FAM186A: variants seen among roughly 807,000 people sequenced by gnomAD.
FAM186A encodes the protein protein FAM186A.
In FAM186A, 163 loss-of-function variants were observed where a neutral mutation model predicts 216.8. The ratio of observed to expected loss-of-function variants is 0.75; its 90% CI spans 0.66 to 0.86. The LOEUF is 0.86. Ranked by LOEUF, FAM186A falls within the 40% of genes least tolerant of loss-of-function variation. FAM186A has a pLI of 0.00. For synonymous variants in FAM186A, 805 were observed against 1,025.3 expected (o/e 0.79, Z 4.10); for missense variants, 2,184 against 2,746.2 (o/e 0.80, Z 4.58).
intron 1 of FAM186A, chr12:50,366,158 C>T (rs1943085717): frequency 1.7e-6 from 1 of 589,982 alleles, no homozygotes; most frequent in African/African-American, 1.9e-5. Flanking sequence ...TGGATTTTGC[C>T]AAACAAATCA....
At chr12:50,391,378 C>T (rs544813627) in intron 1 of FAM186A, among the ~76,000 whole-genome samples, 28 of 151,648 alleles carry the variant, frequency 1.8e-4, no homozygotes, top group Admixed American at 1.3e-3. Context: ...TGCAGTGGCG[C>T]GATCTTGGCT....
At chr12:50,372,171 G>C (rs1186764168) in intron 1 of FAM186A, among the ~76,000 whole-genome samples, 1 of 152,036 alleles carries the variant, frequency 6.6e-6, no homozygotes, top group African/African-American at 2.4e-5. Flanking sequence ...GGAAATACTG[G>C]AATCAGAAAA....
rs183549613 is a variant in FAM186A at position 50,350,897 on chromosome 12, C to G, written c.5935G>C (p.Ala1979Pro). ...TTCTTAGTGGTGAAAGGAACTTGAG[C>G]TACCTTGAAATCTGGAGCACTAGGA... ...IHPSAPDFKV[A>P]QVPFTTKKFQ... is the part of the protein sequence containing the mutation. The change falls in exon 4 of 8, where the codon GCT (alanine) becomes CCT (proline). Residue 1979 changes from alanine to proline, a missense_variant. Ala to Pro is a conservative substitution (Grantham distance 27). This residue lies in a region of FAM186A where 721 missense variants were observed against 816.4 expected (regional missense o/e 0.88). Transcript: ENST00000327337. The G allele has an allele frequency of 1.2e-3, 1,789 of 1,551,606 alleles. 9 individuals carry two copies. The highest frequency in any genetic ancestry group is 4.8e-3 in the Middle Eastern group (29 of 5,992).
At chr12:50,361,001 G>C in intron 2 of FAM186A, 75 bp from the exon 3 acceptor site, 1 of 1,136,950 alleles carries the variant, frequency 8.8e-7, no homozygotes, top group Non-Finnish European at 1.2e-6. Context: ...TTATAATATT[G>C]GGTAACTACT....
At chr12:50,344,830 C>A (rs1045983653) in intron 4 of FAM186A, among the ~76,000 whole-genome samples, 1 of 151,990 alleles carries the variant, frequency 6.6e-6, no homozygotes, top group South Asian at 2.1e-4. Context: ...AAAAATTAGC[C>A]AGGCATGATG....
Position 50,350,463 on chromosome 12 carries a change from T to C in FAM186A, c.6369A>G (p.Ile2123Met), listed in dbSNP as rs905750643. The change falls in exon 4 of 8, where the codon ATA becomes ATG. Residue 2123 changes from isoleucine to methionine, a missense_variant. Ile to Met is a conservative substitution (Grantham distance 10, BLOSUM62 1). Around this residue, in one of 7 missense-constraint regions of FAM186A, gnomAD observed 721 missense variants for 816.4 expected, o/e 0.88. Coordinates refer to ENST00000327337, the MANE Select transcript of FAM186A (RefSeq NM_001145475.3). ...KKNLILLNQA[I>M]KTCGLPSQLH... Reference sequence around the variant, plus strand: ...GCTGTGAAGGGAGTCCACAAGTTTTTATAGCCTGATTTAATAGTATCAGGT... The same window carrying C: ...GCTGTGAAGGGAGTCCACAAGTTTTCATAGCCTGATTTAATAGTATCAGGT... 1 of 1,551,622 alleles carries C rather than the reference T, an allele frequency of 6.4e-7. No individual in the cohort carries two copies. The highest frequency in any genetic ancestry group is 8.7e-7 in the Non-Finnish European group (1 of 1,146,986).
intron 1 of FAM186A, among the ~76,000 whole-genome samples, chr12:50,383,296 A>AGAG (rs1195530927): frequency 1.6e-5 from 2 of 123,876 alleles, no homozygotes; most frequent in South Asian, 3.1e-4. Context: ...GAGAGAGAGA[A>AGAG]AGAAAAGAAA....
At chr12:50,346,050 T>C (rs886715739) in intron 4 of FAM186A, among the ~76,000 whole-genome samples, 1 of 142,122 alleles carries the variant, frequency 7.0e-6, no homozygotes, top group Non-Finnish European at 1.5e-5. Flanking sequence ...CGTGTGCCTA[T>C]AGTCCCAGCT....
Position 50,352,201 on chromosome 12 carries a change from G to A in FAM186A, c.4631C>T (p.Thr1544Ile), listed in dbSNP as rs1942898884. 3 of 1,525,776 alleles carry A rather than the reference G, an allele frequency of 2.0e-6. No individual in the cohort carries two copies. The highest frequency in any genetic ancestry group is 2.6e-6 in the Non-Finnish European group (3 of 1,136,950). The allele number at this position is 1,525,776 out of a possible 1,614,324, so 94.5% of individuals were successfully genotyped here. A position where few individuals can be genotyped will look rare whatever the true frequency, so the allele number is the denominator to read the frequency against. Reference protein sequence around the residue: ...PQAQELGIPLTPQQVQALGIP... With the variant: ...PQAQELGIPLIPQQVQALGIP... ...CCCCAGGGCCTGGACCTGCTGAGGG[G>A]TGAGAGGGATCCCCAATTCCTGAGC... is the stretch of plus-strand genomic sequence containing the variant. Residue 1544 changes from threonine (T) to isoleucine (I), a missense_variant, in exon 4 of 8, where the codon ACC becomes ATC. Coordinates refer to ENST00000327337, the MANE Select transcript of FAM186A (RefSeq NM_001145475.3).
At chr12:50,366,420 A>G (rs1435396616) in intron 1 of FAM186A, among the ~76,000 whole-genome samples, 2 of 152,182 alleles carry the variant, frequency 1.3e-5, no homozygotes, top group Non-Finnish European at 2.9e-5. Flanking sequence ...GAAGCCAGAC[A>G]AAGGCACTAC....
Position 50,351,647 on chromosome 12 carries a change from T to A in FAM186A, c.5185A>T (p.Ile1729Leu). The change falls in exon 4 of 8, where the codon ATA becomes TTA. Residue 1729 changes from isoleucine (I) to leucine (L), a missense_variant. Physicochemically the swap from Ile to Leu is conservative, Grantham distance 5. Around this residue, in one of 7 missense-constraint regions of FAM186A, gnomAD observed 721 missense variants for 816.4 expected, o/e 0.88. Transcript: ENST00000327337. The part of the protein sequence containing the change: ...KASLPTGQSI[I>L]SRLSPSLRLS... ...CTAAGACTTGGAGACAATCTTGATA[T>A]GATGGATTGCCCAGTGGGGAGAGAA... 1 of 1,551,594 alleles carries A rather than the reference T, an allele frequency of 6.4e-7. No homozygotes were observed. Among genetic ancestry groups the A allele is most frequent in the Non-Finnish European group, 8.7e-7 (1 of 1,146,910 alleles).
rs1048502091 is a variant in FAM186A, at chr12:50,351,227, T to G, written c.5605A>C (p.Ile1869Leu). 3.2e-6 allele frequency: 5 copies of G among 1,551,366 alleles called. No individual in the cohort carries two copies. In the African/African-American group the frequency reaches 6.9e-5, roughly 21 times the overall value. Residue 1869 changes from isoleucine (I) to leucine (L), a missense_variant, in exon 4 of 8, where the codon ATC becomes CTC. This residue lies in a region of FAM186A where 721 missense variants were observed against 816.4 expected (regional missense o/e 0.88). Transcript: ENST00000327337. ...GQPLVPEASS[I>L]PGDLLESGPL... is the part of the protein sequence containing the mutation. ...CCAGATTCCAGGAGGTCCCCAGGGA[T>G]GGAAGAGGCTTCAGGAACTAAGGGC...
At position 50,351,814 on chromosome 12, in the gene FAM186A, G is replaced by T; in HGVS notation, c.5018C>A (p.Ser1673Tyr). The change falls in exon 4 of 8, where the codon TCC becomes TAC. Residue 1673 changes from serine to tyrosine, a missense_variant. This residue lies in a region of FAM186A where 721 missense variants were observed against 816.4 expected (regional missense o/e 0.88). Coordinates refer to ENST00000327337, the MANE Select transcript of FAM186A (RefSeq NM_001145475.3). ...LTSEQTHALE[S>Y]PMNLEQAQEQ... ...TTGAGCCTGTTCTAAGTTCATAGGG[G>T]ACTCCAAAGCGTGGGTTTGCTCAGA... 2 of 1,546,956 alleles carry T rather than the reference G, an allele frequency of 1.3e-6. No homozygotes were observed. Among genetic ancestry groups the T allele is most frequent in the Non-Finnish European group, 1.7e-6 (2 of 1,144,486 alleles).
chr12:50,367,616 A>G (rs1477959506), intron 1 of FAM186A, among the ~76,000 whole-genome samples: 1 of 152,124 alleles, frequency 6.6e-6, no homozygotes, highest in African/African-American at 2.4e-5. Flanking sequence ...CTTAAATTGT[A>G]GAAACCCTAC....
At chr12:50,360,444 G>C (rs1943021846) in intron 3 of FAM186A, among the ~76,000 whole-genome samples, 1 of 151,016 alleles carries the variant, frequency 6.6e-6, no homozygotes. Flanking sequence ...CAGCACTTTG[G>C]AAGGCCGAGG....
At chr12:50,373,110 A>T (rs1182774888) in intron 1 of FAM186A, among the ~76,000 whole-genome samples, 1 of 105,498 alleles carries the variant, frequency 9.5e-6, no homozygotes, top group Non-Finnish European at 2.6e-5. Flanking sequence ...AAAGAAAGAA[A>T]AACTAGGCTG....
rs1218061620 is a variant in FAM186A at position 50,352,683 on chromosome 12, C to T, written c.4149G>A (p.Leu1383=). 6 of 1,522,240 alleles carry T rather than the reference C, an allele frequency of 3.9e-6. No individual in the cohort carries two copies. Among genetic ancestry groups the T allele is most frequent in the Admixed American group, 2.0e-5 (1 of 49,030 alleles). The allele number at this position is 1,522,240 out of a possible 1,614,324, so 94.3% of individuals were successfully genotyped here. Residue 1383 remains leucine, a synonymous_variant, in exon 4 of 8, where the codon CTG becomes CTA. Transcript: ENST00000327337. ...CCTGCTGAGGGGTGAGAGGGATCCC[C>T]AGTTCCTGAGCCTGCTGAGTGGTGA... ...MPLTTQQAQE[L]GIPLTPQQAQ... is the part of the protein sequence containing the mutation.
At chr12:50,356,956 G>A (rs1249629656) in intron 3 of FAM186A, among the ~76,000 whole-genome samples, 3 of 151,628 alleles carry the variant, frequency 2.0e-5, no homozygotes, top group Non-Finnish European at 4.4e-5. Context: ...CCGAGATTGC[G>A]CCACTGCACT....
At chr12:50,350,015 T>A (rs752623384) in intron 4 of FAM186A, among the ~76,000 whole-genome samples, 19 of 152,174 alleles carry the variant, frequency 1.2e-4, no homozygotes, top group Non-Finnish European at 2.2e-4. Context: ...CCAAAAATGA[T>A]GAAAGAAATT....
Sources: allele counts gnomAD v4.1 joint callset (sites outside exome capture counted in the v4.1 genomes callset), GRCh38; gene constraint gnomAD v4.1.1; regional missense constraint gnomAD v4.1.1; transcripts MANE v1.5; gene names NCBI Gene and HGNC (gene_info 2026-07-23, HGNC 2026-07-21).